The following KMT2C variants were observed in gnomAD, a reference collection of about 807,000 sequenced individuals.
The protein encoded by KMT2C is lysine methyltransferase 2C, also known as histone-lysine N-methyltransferase 2C.
In KMT2C, 88 loss-of-function variants were observed where a neutral mutation model predicts 507.9. The ratio of observed to expected loss-of-function variants is 0.17; its 90% CI spans 0.15 to 0.21. The LOEUF is 0.21. Among genes scored for constraint, KMT2C ranks in the 10% least tolerant of loss-of-function variants. The pLI is 1.00. For missense variants in KMT2C, 4,954 were observed against 5,957.8 expected (o/e 0.83, Z 5.55); for synonymous variants, 2,049 against 2,080.8 (o/e 0.98, Z 0.42).
chr7:152,287,073 A>G (rs1275406727), intron 6 of KMT2C, among the ~76,000 whole-genome samples: 1 of 152,202 alleles, frequency 6.6e-6, no homozygotes, highest in Non-Finnish European at 1.5e-5. Context: ...CAGCAGGCCA[A>G]CTGGGACACA....
intron 3 of KMT2C, among the ~76,000 whole-genome samples, chr7:152,323,146 A>T (rs1000702003): frequency 6.6e-6 from 1 of 151,976 alleles, no homozygotes; most frequent in Non-Finnish European, 1.5e-5. Flanking sequence ...AAATAGAATT[A>T]CCATATAATC....
At chr7:152,302,384 A>G (rs1351842864) in intron 6 of KMT2C, among the ~76,000 whole-genome samples, 1 of 150,206 alleles carries the variant, frequency 6.7e-6, no homozygotes, top group Non-Finnish European at 1.5e-5. Flanking sequence ...TCACCATGCC[A>G]AGCTAATTTT....
chr7:152,434,867 T>C (rs1004882984), intron 1 of KMT2C, among the ~76,000 whole-genome samples: 2 of 152,134 alleles, frequency 1.3e-5, no homozygotes, highest in African/African-American at 2.4e-5. Context: ...CATTTACATC[T>C]GCACTCTCTC....
chr7:152,360,452 T>C (rs2129233265), intron 1 of KMT2C, among the ~76,000 whole-genome samples: 1 of 151,608 alleles, frequency 6.6e-6, no homozygotes, highest in South Asian at 2.1e-4. Flanking sequence ...CACTCCAGCC[T>C]GGGCAACAAG....
intron 2 of KMT2C, among the ~76,000 whole-genome samples, chr7:152,334,765 C>A (rs950294590): frequency 2.0e-5 from 3 of 152,142 alleles, no homozygotes; most frequent in Non-Finnish European, 4.4e-5. Context: ...GGCAGAGAGA[C>A]AAGACAGAAG....
At chr7:152,417,941 C>T (rs1589903792) in intron 1 of KMT2C, among the ~76,000 whole-genome samples, 1 of 131,698 alleles carries the variant, frequency 7.6e-6, no homozygotes, top group South Asian at 2.6e-4. Flanking sequence ...CGCGCCCACC[C>T]TCTTTCTTTT....
intron 6 of KMT2C, among the ~76,000 whole-genome samples, chr7:152,307,296 A>G (rs1471142525): frequency 7.6e-6 from 1 of 130,978 alleles, no homozygotes; most frequent in African/African-American, 3.0e-5. Flanking sequence ...GAAGGAAGGA[A>G]GGAAGGAAGG....
At chr7:152,291,429 T>C (rs935527995) in intron 6 of KMT2C, among the ~76,000 whole-genome samples, 32 of 152,168 alleles carry the variant, frequency 2.1e-4, no homozygotes, top group Non-Finnish European at 4.1e-4. Context: ...TAATAAATAA[T>C]ACAGTAAATA....
rs1399767013 is a variant in KMT2C at position 152,194,085 on chromosome 7, A to C, written c.4584T>G (p.Leu1528=). Reference sequence around the variant, plus strand: ...GAGTTGGCTGAGTGTTCGCAGGACTAAGTACAGCTGTAAATAAGTCTTCAA... The same window carrying C: ...GAGTTGGCTGAGTGTTCGCAGGACTCAGTACAGCTGTAAATAAGTCTTCAA... The part of the protein sequence containing the change: ...KDVEDLFTAV[L]SPANTQPTPL... Residue 1528 remains leucine (L), a synonymous_variant, in exon 31 of 59, where the codon CTT becomes CTG. Transcript: ENST00000262189. 1 of 1,593,966 alleles carries C rather than the reference A, an allele frequency of 6.3e-7. No homozygotes were observed. Among genetic ancestry groups the C allele is most frequent in the South Asian group, 1.1e-5 (1 of 87,120 alleles).
intron 1 of KMT2C, among the ~76,000 whole-genome samples, chr7:152,430,952 T>C (rs926642108): frequency 2.0e-5 from 3 of 152,174 alleles, no homozygotes; most frequent in Non-Finnish European, 2.9e-5. Context: ...GGACAACCAC[T>C]ATCTACCCAG....
chr7:152,368,613 C>T (rs2097266735), intron 1 of KMT2C: 1 of 1,443,034 alleles, frequency 6.9e-7, no homozygotes, highest in Non-Finnish European at 9.6e-7. Flanking sequence ...TAGAACAGAA[C>T]TCTTCGAGAA....
intron 6 of KMT2C, among the ~76,000 whole-genome samples, chr7:152,290,256 GTGTATATATATA>G (rs2096392505): frequency 3.1e-5 from 1 of 32,050 alleles, no homozygotes; most frequent in East Asian, 9.2e-4. Flanking sequence ...GTGTGTGTAT[GTGTATATATATA>G]TATATATATA....
At chr7:152,416,515 C>T (rs1409212161) in intron 1 of KMT2C, among the ~76,000 whole-genome samples, 1 of 151,654 alleles carries the variant, frequency 6.6e-6, no homozygotes, top group Non-Finnish European at 1.5e-5. Flanking sequence ...CGCCATTACA[C>T]TCCAGCCTGG....
rs2092524691 is a variant in KMT2C, at chr7:152,162,788, T to C, written c.10789A>G (p.Ile3597Val). ...QSLIQLYSDI[I>V]PEEKGKKKRT... is the part of the protein sequence containing the mutation. ...TTCTTTTTCCCTTTTTCCTCTGGGA[T>C]TATATCAGAATACAACTGAATGAGC... Residue 3597 changes from isoleucine (I) to valine (V), a missense_variant, in exon 43 of 59, where the codon ATC becomes GTC. Transcript: ENST00000262189. 6.2e-7 allele frequency: 1 copy of C among 1,614,194 alleles called. No individual in the cohort carries two copies. Among genetic ancestry groups the C allele is most frequent in the Non-Finnish European group, 8.5e-7 (1 of 1,180,036 alleles).
rs115197236 is a variant in KMT2C, at chr7:152,429,003, C to A, written c.161+6623G>T. Among the ~76,000 whole-genome samples the A allele has an allele frequency of 3.1e-3, 466 of 152,308 alleles. 2 individuals carry two copies. Among genetic ancestry groups the A allele is most frequent in the African/African-American group, 0.011 (438 of 41,568 alleles). The stretch of plus-strand genomic sequence containing the variant: ...ACAGCCTCTGTTCTAGTCACACAGT[C>A]AGAAGCCACCCCACCTTTTACACCT... On this transcript the variant is annotated intron_variant, in intron 1 of 58. Transcript: ENST00000262189.
chr7:152,240,490 G>A (rs2095362718), intron 14 of KMT2C, among the ~76,000 whole-genome samples: 1 of 152,186 alleles, frequency 6.6e-6, no homozygotes, highest in Middle Eastern at 3.2e-3. Context: ...CTACAATGAG[G>A]GCATCTTGGA....
chr7:152,419,563 C>A (rs951557045), intron 1 of KMT2C, among the ~76,000 whole-genome samples: 1 of 152,120 alleles, frequency 6.6e-6, no homozygotes, highest in African/African-American at 2.4e-5. Context: ...ACAGTTGTTG[C>A]CGGTTATTTT....
At chr7:152,415,468 T>C (rs1174900004) in intron 1 of KMT2C, among the ~76,000 whole-genome samples, 1 of 152,116 alleles carries the variant, frequency 6.6e-6, no homozygotes, top group Non-Finnish European at 1.5e-5. Context: ...GTGAAATTCT[T>C]AGAGCAAATA....
At chr7:152,152,487 T>G (rs1194863602) in intron 49 of KMT2C, among the ~76,000 whole-genome samples, 1 of 152,182 alleles carries the variant, frequency 6.6e-6, no homozygotes, top group Non-Finnish European at 1.5e-5. Context: ...GGCACTCACA[T>G]AGCCCCTGGT....
Sources: gnomAD v4.1 joint callset for allele counts (sites outside exome capture counted in the v4.1 genomes callset) on GRCh38, gnomAD v4.1.1 for gene constraint, MANE v1.5 for transcripts, NCBI Gene and HGNC (gene_info 2026-07-23, HGNC 2026-07-21) for gene names.